TPRG1: variants seen among roughly 807,000 people sequenced by gnomAD.
TPRG1 encodes the protein tumor protein p63-regulated gene 1 protein.
Under a neutral mutation model 29.3 loss-of-function variants are expected in TPRG1, and 29 were observed. That is an observed-to-expected ratio of 0.99 (90% CI 0.74 to 1.35). TPRG1 has a LOEUF of 1.35. Ranked by LOEUF, TPRG1 falls within the 40% of genes most tolerant of loss-of-function variation. The pLI is 0.00. For missense variants in TPRG1, 327 were observed against 335.0 expected, an observed-to-expected ratio of 0.98 and a Z score of 0.19; for synonymous variants, 130 against 116.8, an observed-to-expected ratio of 1.11 and a Z score of -0.73.
chr3:189,130,301 A>G (rs760686361), intron 2 of TPRG1, among the ~76,000 whole-genome samples: 7 of 152,222 alleles, frequency 4.6e-5, no homozygotes, highest in Non-Finnish European at 1.0e-4. Flanking sequence ...TTTAGGATCC[A>G]TGATTCCTTT....
intron 4 of TPRG1, among the ~76,000 whole-genome samples, chr3:189,259,826 T>C (rs550603208): frequency 4.6e-5 from 7 of 152,274 alleles, no homozygotes; most frequent in African/African-American, 1.7e-4. Context: ...TTCTGAGTGG[T>C]TGAGTGACTT....
chr3:189,312,294 C>T (rs942299761), intron 5 of TPRG1, among the ~76,000 whole-genome samples: 3 of 150,998 alleles, frequency 2.0e-5, no homozygotes, highest in African/African-American at 4.9e-5. Context: ...CTCCGCCTCC[C>T]GGGTTCACAT....
intron 2 of TPRG1, among the ~76,000 whole-genome samples, chr3:189,213,297 G>T (rs1290957162): frequency 6.6e-6 from 1 of 152,054 alleles, no homozygotes; most frequent in Non-Finnish European, 1.5e-5. Context: ...GGTGTATAAT[G>T]GATCCTCATA....
At chr3:189,118,731 G>A (rs910317742) in intron 1 of TPRG1, among the ~76,000 whole-genome samples, 3 of 152,188 alleles carry the variant, frequency 2.0e-5, no homozygotes, top group Admixed American at 6.5e-5. Context: ...GCTTCCATGT[G>A]GTGTTGGTCC....
chr3:189,088,968 ATATCTATC>A (rs36139441), intron 4 of TPRG1, among the ~76,000 whole-genome samples: 11,269 of 148,910 alleles, frequency 0.076, 724 homozygotes, highest in African/African-American at 0.18. Flanking sequence ...GTATCTATTG[ATATCTATC>A]TATCTATCTA....
chr3:189,125,000 T>C (rs1353812363), intron 1 of TPRG1, among the ~76,000 whole-genome samples: 1 of 152,268 alleles, frequency 6.6e-6, no homozygotes, highest in Non-Finnish European at 1.5e-5. Flanking sequence ...TAATCTGTTC[T>C]ACCTTCAATT....
At chr3:189,259,967 C>G (rs1398909006) in intron 4 of TPRG1, among the ~76,000 whole-genome samples, 1 of 152,152 alleles carries the variant, frequency 6.6e-6, no homozygotes, top group African/African-American at 2.4e-5. Flanking sequence ...TTGATGGTCA[C>G]TAAGCCCCAT....
In TPRG1 at chr3:189,310,385, G is replaced by A. The variant is rs150808103; in HGVS notation, c.480-1G>A. The A allele has an allele frequency of 8.8e-6, 14 of 1,582,534 alleles. No individual in the cohort carries two copies. In the African/African-American group the frequency reaches 1.1e-4, roughly 12 times the overall value. On this transcript the variant is annotated splice_acceptor_variant, in intron 4 of 5. Transcript: ENST00000345063. LOFTEE classifies it high-confidence loss of function. ...TCTAATGGAAAACGCCTTTCTTGTA[G>A]GAGACAAGGAGAAGGCCTTAGGATC...
At chr3:189,309,886 C>T (rs560397969) in intron 4 of TPRG1, 6 of 152,464 alleles carry the variant, frequency 3.9e-5, no homozygotes, top group African/African-American at 1.4e-4. Flanking sequence ...AATCTGAAGT[C>T]GCAGAGCATT....
intron 4 of TPRG1, among the ~76,000 whole-genome samples, chr3:189,091,499 C>T (rs763576619): frequency 2.0e-5 from 3 of 152,114 alleles, no homozygotes; most frequent in South Asian, 2.1e-4. Context: ...TCCAATACCC[C>T]GTTAGTCATT....
At chr3:189,264,108 C>T (rs1174500717) in intron 4 of TPRG1, among the ~76,000 whole-genome samples, 1 of 152,184 alleles carries the variant, frequency 6.6e-6, no homozygotes, top group African/African-American at 2.4e-5. Flanking sequence ...AATTCTCCCT[C>T]CAATTTGCTA....
rs551913359 is a variant in TPRG1, at chr3:189,086,388, T to C, written c.-462-40669T>C. ...TTTTTTGAGATAGGGTCTCACTCTC[T>C]TTCCCAGGCTCCCAGGCTGCACTGC... On this transcript the variant is annotated intron_variant, in intron 4 of 10. Coordinates refer to the TPRG1 transcript ENST00000433971. Among the ~76,000 whole-genome samples the C allele has an allele frequency of 9.9e-5, 15 of 152,000 alleles. No individual in the cohort carries two copies. In the East Asian group the frequency reaches 2.1e-3, roughly 22 times the overall value.
chr3:189,056,964 A>G (rs1715740200), intron 4 of TPRG1, among the ~76,000 whole-genome samples: 1 of 152,178 alleles, frequency 6.6e-6, no homozygotes, highest in Non-Finnish European at 1.5e-5. Flanking sequence ...TGCTCTTCCA[A>G]CTGCATCTTG....
intron 1 of TPRG1, chr3:189,000,702 T>C (rs1711978117): frequency 6.6e-6 from 1 of 152,058 alleles, no homozygotes; most frequent in Non-Finnish European, 1.5e-5. Flanking sequence ...TTGTAGCTCT[T>C]TAATTCCATT....
intron 4 of TPRG1, among the ~76,000 whole-genome samples, chr3:189,273,065 A>ACT (rs1715501379): frequency 6.6e-6 from 1 of 151,958 alleles, no homozygotes; most frequent in Non-Finnish European, 1.5e-5. Context: ...GGCCTCTCTG[A>ACT]CTCTGGTAGA....
At chr3:189,023,156 C>T (rs1010162885) in intron 3 of TPRG1, among the ~76,000 whole-genome samples, 16 of 152,234 alleles carry the variant, frequency 1.1e-4, no homozygotes, top group African/African-American at 3.9e-4. Context: ...GAACCCGGTA[C>T]CTCAGATGGA....
chr3:189,054,974 T>A (rs1715569244), intron 4 of TPRG1, among the ~76,000 whole-genome samples: 1 of 152,262 alleles, frequency 6.6e-6, no homozygotes, highest in Middle Eastern at 3.4e-3. Context: ...TTGTAAAAAA[T>A]GCACCATCTG....
intron 1 of TPRG1, among the ~76,000 whole-genome samples, chr3:189,101,093 C>T (rs909562676): frequency 6.6e-6 from 1 of 152,194 alleles, no homozygotes; most frequent in Admixed American, 6.5e-5. Context: ...CTCTCACATA[C>T]CTGCATCCAT....
chr3:189,315,297 T>C (rs200294570), intron 5 of TPRG1, among the ~76,000 whole-genome samples: 14,957 of 151,732 alleles, frequency 0.099, 919 homozygotes, highest in East Asian at 0.19. Context: ...TGTGTGTGTG[T>C]GTGTGTGTGT....
Sources: allele counts gnomAD v4.1 joint callset (sites outside exome capture counted in the v4.1 genomes callset), GRCh38; gene constraint gnomAD v4.1.1; transcripts MANE v1.5; gene names NCBI Gene and HGNC (gene_info 2026-07-23, HGNC 2026-07-21).